Variants in CDH10 observed in about 807,000 individuals in gnomAD.
CDH10 encodes the protein cadherin 10, also known as cadherin-10.
A neutral mutation model predicts 73.1 loss-of-function variants in CDH10; 30 were observed. The observed-to-expected ratio is 0.41, with a 90% CI of 0.31 to 0.56. The LOEUF is 0.56. Ranked by LOEUF, CDH10 falls within the 20% of genes least tolerant of loss-of-function variation. CDH10 has a pLI of 0.27. For missense variants in CDH10, 815 were observed against 973.7 expected, an observed-to-expected ratio of 0.84 and a Z score of 2.17; for synonymous variants, 345 against 348.2, an observed-to-expected ratio of 0.99 and a Z score of 0.10.
chr5:24,531,855 C>T (rs1743766429), intron 5 of CDH10, among the ~76,000 whole-genome samples: 1 of 152,026 alleles, frequency 6.6e-6, no homozygotes, highest in African/African-American at 2.4e-5. Context: ...TGAATTGCCC[C>T]TCATATGACA....
intron 2 of CDH10, among the ~76,000 whole-genome samples, chr5:24,587,059 T>C (rs1746043535): frequency 6.6e-6 from 1 of 151,536 alleles, no homozygotes; most frequent in Admixed American, 6.6e-5. Flanking sequence ...TTAGCCAGAA[T>C]GGTCTCGATC....
chr5:24,604,735 G>A (rs28889590), intron 1 of CDH10, among the ~76,000 whole-genome samples: 3,084 of 151,934 alleles, frequency 0.02, 100 homozygotes, highest in African/African-American at 0.071. Flanking sequence ...TTAGCTGGGC[G>A]TGGTGGCAGG....
At chr5:24,491,113 G>A (rs1288719569) in intron 11 of CDH10, among the ~76,000 whole-genome samples, 1 of 152,050 alleles carries the variant, frequency 6.6e-6, no homozygotes, top group African/African-American at 2.4e-5. Flanking sequence ...AAATAACTGG[G>A]GTCCTGGCCA....
intron 1 of CDH10, among the ~76,000 whole-genome samples, chr5:24,604,871 T>TCAAAAAAAAAAA (rs1453322652): frequency 3.3e-4 from 38 of 116,160 alleles, no homozygotes; most frequent in African/African-American, 6.3e-4. Flanking sequence ...AAGATGTCTC[T>TCAAAAAAAAAAA]AAAAAAAAAA....
At chr5:24,509,281 T>A in intron 7 of CDH10, among the ~76,000 whole-genome samples, 1 of 118,594 alleles carries the variant, frequency 8.4e-6, no homozygotes, top group Non-Finnish European at 1.7e-5. Context: ...TCTCTGTCGC[T>A]CAGGCTGGAA....
At chr5:24,511,236 T>C in intron 6 of CDH10, 91 bp downstream of exon 6, 1 of 787,190 alleles carries the variant, frequency 1.3e-6, no homozygotes, top group East Asian at 2.5e-5. Context: ...TAGAGTAGTA[T>C]TTCCCAATGG....
chr5:24,487,583 C>A lies in CDH10; in HGVS notation c.*80G>T. The A allele has an allele frequency of 7.2e-7, 1 of 1,396,466 alleles. No individual in the cohort carries two copies. The highest frequency in any genetic ancestry group is 2.3e-5 in the East Asian group (1 of 43,416). 86.5% of individuals were successfully genotyped at this position (1,396,466 alleles called of 1,614,324 possible). A position where few individuals can be genotyped will look rare whatever the true frequency, so the allele number is the denominator to read the frequency against. On this transcript the variant is annotated 3_prime_UTR_variant, in exon 12 of 12. Coordinates refer to ENST00000264463, the MANE Select transcript of CDH10 (RefSeq NM_006727.5). ...TTGTGCTGACTGGCAGGAAAATGCTCCTGAATATCAAATATTGTGAAGTGG... is the reference window on the plus strand; with the variant it reads ...TTGTGCTGACTGGCAGGAAAATGCTACTGAATATCAAATATTGTGAAGTGG...
intron 2 of CDH10, among the ~76,000 whole-genome samples, chr5:24,546,788 G>A (rs558581849): frequency 6.6e-6 from 1 of 152,058 alleles, no homozygotes; most frequent in South Asian, 2.1e-4. Flanking sequence ...TACTCTTGTG[G>A]ACTCCAAACT....
At chr5:24,573,564 G>A (rs1163522993) in intron 2 of CDH10, among the ~76,000 whole-genome samples, 1 of 151,610 alleles carries the variant, frequency 6.6e-6, no homozygotes, top group Non-Finnish European at 1.5e-5. Context: ...AGCCGAGCGT[G>A]GTGGCGGGCA....
At chr5:24,588,422 A>T (rs1746092197) in intron 2 of CDH10, among the ~76,000 whole-genome samples, 1 of 152,164 alleles carries the variant, frequency 6.6e-6, no homozygotes, top group Admixed American at 6.5e-5. Flanking sequence ...TAATTTTTTT[A>T]AATTACTTGG....
In CDH10 at chr5:24,577,059, TCAA is replaced by T. The variant is rs542984161; in HGVS notation, c.231+16198_231+16200del. 9.1e-5 allele frequency among the ~76,000 whole-genome samples: 11 copies of T among 121,544 alleles called. No homozygotes were observed. In the South Asian group the frequency reaches 3.5e-3, roughly 38 times the overall value. The allele number at this position is 121,544 out of a possible 152,430, so 79.7% of individuals were successfully genotyped here. ...ATTCTACAAAACACTCTAGTACACC[TCAA>T]CGTCAAAGTTATTTAAAAAAAAAAA... On this transcript the variant is annotated intron_variant, in intron 2 of 11. Transcript: ENST00000264463.
At chr5:24,564,276 C>G (rs891855244) in intron 2 of CDH10, among the ~76,000 whole-genome samples, 5 of 152,224 alleles carry the variant, frequency 3.3e-5, no homozygotes, top group Non-Finnish European at 7.4e-5. Flanking sequence ...ATAGGTTGTA[C>G]CAAAATGTCG....
intron 2 of CDH10, among the ~76,000 whole-genome samples, chr5:24,569,640 ATAAT>A (rs1424774235): frequency 1.3e-5 from 2 of 152,198 alleles, no homozygotes; most frequent in Non-Finnish European, 2.9e-5. Flanking sequence ...TTTCTTCAAA[ATAAT>A]TTATTTTTAA....
rs771328294 is a variant in CDH10 at position 24,537,362 on chromosome 5, C to T, written c.526+18G>A. 6.8e-5 allele frequency: 106 copies of T among 1,554,358 alleles called. No individual in the cohort carries two copies. The highest frequency in any genetic ancestry group is 2.0e-4 in the South Asian group (17 of 85,926). ...AACACTTTTTGAATACCATCATAAA[C>T]GCTGTAAATGAACTTACCTACAACA... On this transcript the variant is annotated intron_variant, in intron 3 of 11. Transcript: ENST00000264463.
intron 11 of CDH10, among the ~76,000 whole-genome samples, chr5:24,489,735 G>T (rs1255142504): frequency 2.0e-5 from 3 of 152,094 alleles, no homozygotes; most frequent in Non-Finnish European, 4.4e-5. Context: ...TTCAAAAGCA[G>T]TTAAAAGCAG....
At chr5:24,521,696 C>A (rs1314740999) in intron 5 of CDH10, among the ~76,000 whole-genome samples, 1 of 151,836 alleles carries the variant, frequency 6.6e-6, no homozygotes, top group Non-Finnish European at 1.5e-5. Context: ...TGATATTAAA[C>A]CAAACTATTA....
intron 2 of CDH10, among the ~76,000 whole-genome samples, chr5:24,577,732 T>G (rs1329915860): frequency 1.3e-5 from 2 of 152,192 alleles, no homozygotes; most frequent in Non-Finnish European, 1.5e-5. Flanking sequence ...GAATCTAAGC[T>G]GTCACCTTGT....
intron 1 of CDH10, among the ~76,000 whole-genome samples, chr5:24,604,611 A>G (rs917255710): frequency 6.6e-6 from 1 of 152,014 alleles, no homozygotes; most frequent in Non-Finnish European, 1.5e-5. Flanking sequence ...GATGGCTCAC[A>G]CCTGTAATCC....
chr5:24,508,977 C>G (rs745873304), intron 7 of CDH10, among the ~76,000 whole-genome samples: 1 of 152,034 alleles, frequency 6.6e-6, no homozygotes, highest in African/African-American at 2.4e-5. Flanking sequence ...AGGAGACAGG[C>G]AGGTGTAACA....
Sources: allele counts gnomAD v4.1 joint callset (sites outside exome capture counted in the v4.1 genomes callset), GRCh38; gene constraint gnomAD v4.1.1; transcripts MANE v1.5; gene names NCBI Gene and HGNC (gene_info 2026-07-23, HGNC 2026-07-21).